THUMPD3: variants seen among roughly 807,000 people sequenced by gnomAD.
THUMPD3 encodes THUMP domain 3 tRNA guanosine methyltransferase, also known as tRNA (guanine(6)-N(2))-methyltransferase THUMP3.
THUMPD3 carries 44 observed loss-of-function variants against 54.5 expected under a neutral mutation model. The observed-to-expected ratio is 0.81, with a 90% CI of 0.63 to 1.04. The LOEUF (loss-of-function observed/expected upper bound fraction) is 1.04, where lower values mean the gene tolerates loss of function less well. Among genes scored for constraint, THUMPD3 ranks in the 50% least tolerant of loss-of-function variants. THUMPD3 has a pLI of 0.00. For missense variants in THUMPD3, 604 were observed against 601.3 expected (o/e 1.00, Z -0.05); for synonymous variants, 196 against 201.4 (o/e 0.97, Z 0.23).
rs1224086852 is a variant in THUMPD3, at chr3:9,386,602, T to C, written c.*1914T>C. 1.3e-5 allele frequency: 2 copies of C among 152,176 alleles called. No homozygotes were observed. Among genetic ancestry groups the C allele is most frequent in the African/African-American group, 4.8e-5 (2 of 41,428 alleles). The allele number at this position is 152,176 out of a possible 1,614,324, so 9.4% of individuals were successfully genotyped here. On this transcript the variant is annotated 3_prime_UTR_variant, in exon 10 of 10. Transcript: ENST00000452837. ...TAGTTTGCCGTCTTCTTCCCTAGTA[T>C]GGTGTTTTTCAATCTGGTGACTAGA...
intron 4 of THUMPD3, among the ~76,000 whole-genome samples, chr3:9,372,135 G>A (rs2032097158): frequency 6.6e-6 from 1 of 152,198 alleles, no homozygotes; most frequent in Admixed American, 6.5e-5. Flanking sequence ...GCCTCCCAAA[G>A]TGCTGGGATT....
Position 9,365,131 on chromosome 3 carries a change from G to C in THUMPD3, c.63G>C (p.Lys21Asn). 6.2e-7 allele frequency: 1 copy of C among 1,614,212 alleles called. No homozygotes were observed. Among genetic ancestry groups the C allele is most frequent in the Non-Finnish European group, 8.5e-7 (1 of 1,180,052 alleles). The change falls in exon 2 of 10, where the codon AAG (lysine) becomes AAC (asparagine). Residue 21 changes from lysine (K) to asparagine (N), a missense_variant. By Grantham distance (94) the Lys-to-Asn change is moderately conservative. Coordinates refer to ENST00000452837, the MANE Select transcript of THUMPD3 (RefSeq NM_001114092.2). ...LLDVNLHENQ[K>N]SVQVTESDLG... ...ATGTGAACCTTCATGAGAACCAGAA[G>C]TCTGTACAAGTGACAGAAAGTGACC...
chr3:9,367,521 T>C (rs1328165913), intron 3 of THUMPD3, among the ~76,000 whole-genome samples: 1 of 152,240 alleles, frequency 6.6e-6, no homozygotes, highest in African/African-American at 2.4e-5. Context: ...TGAAAATAGA[T>C]TGCAGCAAGG....
intron 4 of THUMPD3, among the ~76,000 whole-genome samples, chr3:9,372,407 C>T (rs555073266): frequency 6.6e-5 from 10 of 152,142 alleles, no homozygotes; most frequent in African/African-American, 1.9e-4. Flanking sequence ...TGGTGAAACC[C>T]TGTCTCTACT....
chr3:9,375,271 A>G (rs566751929), intron 5 of THUMPD3, among the ~76,000 whole-genome samples: 42 of 152,304 alleles, frequency 2.8e-4, no homozygotes, highest in African/African-American at 9.6e-4. Context: ...TTGCTGTTTC[A>G]TTTCTGTGCA....
At chr3:9,374,190 C>A (rs1038616824) in intron 4 of THUMPD3, among the ~76,000 whole-genome samples, 5 of 152,056 alleles carry the variant, frequency 3.3e-5, no homozygotes, top group Non-Finnish European at 5.9e-5. Context: ...ATTTTAATAT[C>A]TATTATTTTC....
At chr3:9,383,928 A>G (rs2033119918) in intron 8 of THUMPD3, among the ~76,000 whole-genome samples, 1 of 152,164 alleles carries the variant, frequency 6.6e-6, no homozygotes, top group Non-Finnish European at 1.5e-5. Context: ...CCTGGCCTAA[A>G]TGATTTCTAA....
intron 6 of THUMPD3, among the ~76,000 whole-genome samples, chr3:9,378,262 T>C (rs879497343): frequency 3.3e-5 from 5 of 152,196 alleles, no homozygotes; most frequent in Non-Finnish European, 5.9e-5. Flanking sequence ...TCCACTTAAG[T>C]TCCTAGAGGG....
At chr3:9,380,760 A>C (rs937818198) in intron 7 of THUMPD3, 142 bp downstream of exon 7, 1 of 470,554 alleles carries the variant, frequency 2.1e-6, no homozygotes, top group East Asian at 3.4e-5. Context: ...TTACATTTTT[A>C]AAGTTTATTG....
intron 4 of THUMPD3, among the ~76,000 whole-genome samples, chr3:9,372,580 CA>C (rs35718688): frequency 2.0e-3 from 271 of 137,144 alleles, no homozygotes; most frequent in Middle Eastern, 7.6e-3. Context: ...ACTCCATCTC[CA>C]AAAAAAAAAA....
intron 5 of THUMPD3, 57 bp from the exon 6 acceptor site, chr3:9,377,762 G>A: frequency 7.3e-7 from 1 of 1,364,560 alleles, no homozygotes; most frequent in East Asian, 2.3e-5. Flanking sequence ...GGAATCATCA[G>A]TATAGAAGCC....
Position 9,384,199 on chromosome 3 carries a change from C to G in THUMPD3, c.1236-13C>G. On this transcript the variant is annotated splice_polypyrimidine_tract_variant and intron_variant, in intron 8 of 9. Coordinates refer to ENST00000452837, the MANE Select transcript of THUMPD3 (RefSeq NM_001114092.2). ...TTTTGCAAGTGTTTGACTCATGAGA[C>G]CTTCTATTATAGGATGGGATCCAAG... The G allele has an allele frequency of 1.2e-6, 2 of 1,612,176 alleles. No homozygotes were observed. The highest frequency in any genetic ancestry group is 8.5e-7 in the Non-Finnish European group (1 of 1,179,392).
intron 8 of THUMPD3, among the ~76,000 whole-genome samples, chr3:9,383,627 C>T (rs1255838886): frequency 2.1e-5 from 3 of 143,938 alleles, no homozygotes; most frequent in East Asian, 2.0e-4. Context: ...ATAAATGATT[C>T]TTTTTTTTTT....
At position 9,371,515 on chromosome 3, in the gene THUMPD3, C is replaced by T; in HGVS notation, c.786C>T (p.Asp262=). ...AAGATTATTTTAAGTGGAAGGCCGA[C>T]ATGACCAACTTTGATGTGGAGGTAG... is the stretch of plus-strand genomic sequence containing the variant. The part of the protein sequence containing the change: ...AVQDYFKWKA[D]MTNFDVEVLL... The change falls in exon 4 of 10, where the codon GAC becomes GAT. Residue 262 remains aspartate (D), a synonymous_variant. Transcript: ENST00000452837. 6.2e-7 allele frequency: 1 copy of T among 1,613,048 alleles called. No individual in the cohort carries two copies. Among genetic ancestry groups the T allele is most frequent in the Non-Finnish European group, 8.5e-7 (1 of 1,179,460 alleles).
Position 9,385,523 on chromosome 3 carries a change from T to A in THUMPD3, c.*835T>A, listed in dbSNP as rs369762802. The A allele has an allele frequency of 1.3e-5, 2 of 152,342 alleles. No homozygotes were observed. The allele number at this position is 152,342 out of a possible 1,614,324, so 9.4% of individuals were successfully genotyped here. A position where few individuals can be genotyped will look rare whatever the true frequency, so the allele number is the denominator to read the frequency against. On this transcript the variant is annotated 3_prime_UTR_variant, in exon 10 of 10. Coordinates refer to ENST00000452837, the MANE Select transcript of THUMPD3 (RefSeq NM_001114092.2). ...CCTATAGGAAAGTTTACCATCTGCC[T>A]TAAATATTAAAATATCCATCTGTTA... is the stretch of plus-strand genomic sequence containing the variant.
intron 7 of THUMPD3, among the ~76,000 whole-genome samples, chr3:9,382,337 T>G (rs2032989608): frequency 2.0e-5 from 3 of 152,210 alleles, no homozygotes; most frequent in Non-Finnish European, 4.4e-5. Flanking sequence ...CCAGTTGCTT[T>G]GCCTTAATGA....
chr3:9,384,552 G>A lies in THUMPD3; in HGVS notation c.1388G>A (p.Arg463Gln), dbSNP rs759165825. The A allele has an allele frequency of 3.3e-5, 54 of 1,614,058 alleles. No individual in the cohort carries two copies. Among genetic ancestry groups the A allele is most frequent in the Admixed American group, 6.7e-5 (4 of 60,002 alleles). ...KALSGMRHVW[R>Q]KVDTVWVNVG... is the part of the protein sequence containing the mutation. Reference sequence around the variant, plus strand: ...TTATCTGGAATGCGACACGTATGGCGAAAGGTGGATACAGTCTGGGTGAAC... The same window carrying A: ...TTATCTGGAATGCGACACGTATGGCAAAAGGTGGATACAGTCTGGGTGAAC... The change falls in exon 10 of 10, where the codon CGA becomes CAA. Residue 463 changes from arginine to glutamine, a missense_variant. Transcript: ENST00000452837.
chr3:9,370,541 C>G (rs2031944864), intron 3 of THUMPD3, among the ~76,000 whole-genome samples: 1 of 152,200 alleles, frequency 6.6e-6, no homozygotes, highest in African/African-American at 2.4e-5. Flanking sequence ...ACCTCCCAGG[C>G]TCAAGCAGTC....
intron 1 of THUMPD3, 42 bp from the exon 2 acceptor site, chr3:9,364,974 T>G (rs2031402676): frequency 1.2e-5 from 17 of 1,474,938 alleles, no homozygotes; most frequent in Non-Finnish European, 1.5e-5. Flanking sequence ...AACTGAAATA[T>G]GAGATGATAA....
Sources: gnomAD v4.1 joint callset for allele counts (sites outside exome capture counted in the v4.1 genomes callset) on GRCh38, gnomAD v4.1.1 for gene constraint, MANE v1.5 for transcripts, NCBI Gene and HGNC (gene_info 2026-07-23, HGNC 2026-07-21) for gene names.